Variants in DYNC1I1 observed in about 807,000 individuals in gnomAD.
The protein encoded by DYNC1I1 is dynein cytoplasmic 1 intermediate chain 1.
In DYNC1I1, 43 loss-of-function variants were observed where a neutral mutation model predicts 86.6. That is an observed-to-expected ratio of 0.50 (90% CI 0.39 to 0.64). The LOEUF (loss-of-function observed/expected upper bound fraction) is 0.64. Among genes scored for constraint, DYNC1I1 ranks in the 30% least tolerant of loss-of-function variants. The pLI, the probability that DYNC1I1 is intolerant of heterozygous loss-of-function variation, is 0.00. For synonymous variants in DYNC1I1, 262 were observed against 283.7 expected (o/e 0.92, Z 0.77); for missense variants, 604 against 788.8 (o/e 0.77, Z 2.81).
chr7:96,059,159 A>G (rs918739955), intron 14 of DYNC1I1, among the ~76,000 whole-genome samples: 49 of 152,250 alleles, frequency 3.2e-4, no homozygotes, highest in African/African-American at 1.2e-3. Flanking sequence ...TTGTTGGTTC[A>G]TTGACATTGG....
At chr7:95,993,189 C>T (rs1040134659) in intron 9 of DYNC1I1, among the ~76,000 whole-genome samples, 1 of 152,042 alleles carries the variant, frequency 6.6e-6, no homozygotes, top group African/African-American at 2.4e-5. Context: ...CTAGAGGGCA[C>T]CTTGAAATCC....
intron 6 of DYNC1I1, among the ~76,000 whole-genome samples, chr7:95,925,122 C>A (rs1791709509): frequency 6.6e-6 from 1 of 152,156 alleles, no homozygotes; most frequent in African/African-American, 2.4e-5. Flanking sequence ...CCATCCCATC[C>A]CTTCTCTCTA....
chr7:95,843,125 G>A (rs986208472), intron 5 of DYNC1I1, among the ~76,000 whole-genome samples: 5 of 152,128 alleles, frequency 3.3e-5, no homozygotes, highest in African/African-American at 9.7e-5. Context: ...TTTGACTGGC[G>A]TGAACAGAAA....
At chr7:95,848,746 T>C (rs1026700176) in intron 5 of DYNC1I1, among the ~76,000 whole-genome samples, 1 of 152,076 alleles carries the variant, frequency 6.6e-6, no homozygotes, top group Non-Finnish European at 1.5e-5. Flanking sequence ...ATTTATCTAG[T>C]AGTGGGATTG....
At chr7:95,949,002 C>T (rs1266186440) in intron 6 of DYNC1I1, among the ~76,000 whole-genome samples, 2 of 152,156 alleles carry the variant, frequency 1.3e-5, no homozygotes, top group Non-Finnish European at 2.9e-5. Context: ...GTTTCCCAGG[C>T]CAAGTCTTCC....
At chr7:95,803,376 A>G (rs539282496) in intron 1 of DYNC1I1, among the ~76,000 whole-genome samples, 1 of 152,368 alleles carries the variant, frequency 6.6e-6, no homozygotes, top group Admixed American at 6.5e-5. Context: ...AGCACAGATT[A>G]AATACAGCAA....
intron 10 of DYNC1I1, among the ~76,000 whole-genome samples, chr7:96,016,751 T>C (rs954628724): frequency 9.9e-5 from 15 of 152,210 alleles, no homozygotes; most frequent in African/African-American, 3.1e-4. Context: ...ATGCTTGCTC[T>C]GTCAAGAAAG....
intron 6 of DYNC1I1, among the ~76,000 whole-genome samples, chr7:95,960,855 G>A (rs758464521): frequency 1.3e-5 from 2 of 152,198 alleles, no homozygotes; most frequent in Non-Finnish European, 2.9e-5. Context: ...GTCTAGACCT[G>A]TTTGAGTGAT....
intron 6 of DYNC1I1, among the ~76,000 whole-genome samples, chr7:95,954,915 C>CAAAAAAAAAAAAAAAAAAAA (rs58435060): frequency 1.2e-5 from 1 of 81,876 alleles, no homozygotes; most frequent in African/African-American, 4.7e-5. Context: ...GACTCTGTCT[C>CAAAAAAAAAAAAAAAAAAAA]AAAAAAAAAA....
intron 9 of DYNC1I1, among the ~76,000 whole-genome samples, chr7:95,988,158 C>T (rs1451322839): frequency 6.6e-6 from 1 of 152,182 alleles, no homozygotes; most frequent in Non-Finnish European, 1.5e-5. Context: ...GGGTGGATCG[C>T]TTGAGGTCTG....
At chr7:95,866,357 A>G (rs1790017745) in intron 5 of DYNC1I1, among the ~76,000 whole-genome samples, 1 of 152,220 alleles carries the variant, frequency 6.6e-6, no homozygotes. Flanking sequence ...TTTAAGAAGC[A>G]TGCCTCAATG....
At chr7:96,079,892 A>G (rs1464730747) in intron 15 of DYNC1I1, among the ~76,000 whole-genome samples, 2 of 152,082 alleles carry the variant, frequency 1.3e-5, no homozygotes, top group East Asian at 1.9e-4. Flanking sequence ...ACATATGTTT[A>G]CTTTTTCCTT....
intron 2 of DYNC1I1, 78 bp downstream of exon 2, chr7:95,804,915 T>C (rs1275262541): frequency 6.7e-7 from 1 of 1,495,166 alleles, no homozygotes; most frequent in East Asian, 2.5e-5. Context: ...AATGGATAAA[T>C]AGGACTCCCT....
At chr7:96,066,174 T>C (rs2116197874) in intron 14 of DYNC1I1, among the ~76,000 whole-genome samples, 1 of 152,344 alleles carries the variant, frequency 6.6e-6, no homozygotes, top group East Asian at 1.9e-4. Context: ...TATATCCGTC[T>C]GGGAATACCA....
chr7:95,957,074 GA>G (rs1433301076), intron 6 of DYNC1I1, among the ~76,000 whole-genome samples: 1 of 152,096 alleles, frequency 6.6e-6, no homozygotes, highest in Non-Finnish European at 1.5e-5. Flanking sequence ...CCAAATTATT[GA>G]TATTTCTTAG....
intron 10 of DYNC1I1, among the ~76,000 whole-genome samples, chr7:96,012,099 A>G (rs1240380292): frequency 6.6e-6 from 1 of 152,076 alleles, no homozygotes. Flanking sequence ...TTATTGTTAC[A>G]TTTTTTTCAT....
At position 95,811,311 on chromosome 7, in the gene DYNC1I1, A is replaced by C. The variant is rs2115833161; in HGVS notation, c.223+805A>C. 2.0e-5 allele frequency among the ~76,000 whole-genome samples: 3 copies of C among 152,258 alleles called. No individual in the cohort carries two copies. The South Asian group carries it at 6.2e-4, about 32-fold the overall frequency. On this transcript the variant is annotated intron_variant, in intron 3 of 16. Coordinates refer to ENST00000447467, the MANE Select transcript of DYNC1I1 (RefSeq NM_001135556.2). Reference sequence around the variant, plus strand: ...GTGTCTATAAAACTACATTATATCCAATATAGTTAAAAACCCTTTTGGAAG... The same window carrying C: ...GTGTCTATAAAACTACATTATATCCCATATAGTTAAAAACCCTTTTGGAAG...
downstream of DYNC1I1, among the ~76,000 whole-genome samples, chr7:96,102,466 CA>C (rs1791150032): frequency 6.6e-6 from 1 of 152,180 alleles, no homozygotes; most frequent in African/African-American, 2.4e-5. Flanking sequence ...TGTTTAAGAG[CA>C]TGCTGGGCTC....
chr7:95,839,879 C>A (rs927967803), intron 5 of DYNC1I1, among the ~76,000 whole-genome samples: 14 of 151,874 alleles, frequency 9.2e-5, no homozygotes, highest in Admixed American at 5.9e-4. Context: ...CTTCTTTCAG[C>A]ACTTTGAATA....
Sources: allele counts gnomAD v4.1 joint callset (sites outside exome capture counted in the v4.1 genomes callset), GRCh38; gene constraint gnomAD v4.1.1; transcripts MANE v1.5; gene names NCBI Gene and HGNC (gene_info 2026-07-23, HGNC 2026-07-21).